The following KLHDC4 variants were observed in gnomAD, a reference collection of about 807,000 sequenced individuals.
KLHDC4 encodes the protein kelch domain-containing protein 4.
A neutral mutation model predicts 62.4 loss-of-function variants in KLHDC4; 90 were observed. That is an observed-to-expected ratio of 1.44 (90% CI 1.22 to 1.72). The LOEUF (loss-of-function observed/expected upper bound fraction) is 1.72. Among genes scored for constraint, KLHDC4 ranks in the 40% most tolerant of loss-of-function variants. The pLI is 0.00. For missense variants in KLHDC4, 1,025 were observed against 699.7 expected, an observed-to-expected ratio of 1.47 and a Z score of -5.25; for synonymous variants, 386 against 284.4, an observed-to-expected ratio of 1.36 and a Z score of -3.59.
chr16:87,722,712 A>C (rs1272771832), intron 7 of KLHDC4, among the ~76,000 whole-genome samples: 1 of 152,198 alleles, frequency 6.6e-6, no homozygotes, highest in African/African-American at 2.4e-5. Flanking sequence ...TGAGACGAGG[A>C]CCATGGGGGT....
intron 5 of KLHDC4, among the ~76,000 whole-genome samples, chr16:87,731,922 G>T (rs1567733367): frequency 6.6e-6 from 1 of 152,176 alleles, no homozygotes; most frequent in Non-Finnish European, 1.5e-5. Flanking sequence ...ACATCTCGCT[G>T]AAGGAAGGCA....
chr16:87,746,538 C>G (rs184013000), intron 5 of KLHDC4, among the ~76,000 whole-genome samples: 2 of 152,324 alleles, frequency 1.3e-5, no homozygotes, highest in African/African-American at 4.8e-5. Context: ...CGGAACCACA[C>G]CCTGGCTGCC....
At chr16:87,712,484 T>G in intron 8 of KLHDC4, among the ~76,000 whole-genome samples, 1 of 152,176 alleles carries the variant, frequency 6.6e-6, no homozygotes, top group Non-Finnish European at 1.5e-5. Context: ...ACACAAGGTG[T>G]GTCGCTCCTC....
At position 87,755,218 on chromosome 16, in the gene KLHDC4, TG is replaced by T. The variant is rs553191772; in HGVS notation, c.344del (p.Pro115HisfsTer12). ...DTWTKVDIPS[P>X]PPRRCAHQAV... ...CCTGGTGAGCACAGCGCCTCGGAGG[TG>T]GACTGGGGATGTCAACTTTGGTCCA... On this transcript the variant is annotated frameshift_variant, in exon 4 of 12. Coordinates refer to ENST00000270583, the MANE Select transcript of KLHDC4 (RefSeq NM_017566.4). LOFTEE classifies it high-confidence loss of function. 8.3e-5 allele frequency: 133 copies of T among 1,610,910 alleles called. No individual in the cohort carries two copies. Among genetic ancestry groups the T allele is most frequent in the Non-Finnish European group, 1.1e-4 (124 of 1,177,394 alleles).
At chr16:87,762,858 G>T (rs34018510) in intron 1 of KLHDC4, among the ~76,000 whole-genome samples, 104,233 of 151,934 alleles carry the variant, frequency 0.69, 37,522 homozygotes, top group African/African-American at 0.9. Flanking sequence ...TCAGTGTCCT[G>T]CTTGCAACTA....
chr16:87,714,443 C>T, intron 8 of KLHDC4, 55 bp downstream of exon 8: 3 of 1,501,976 alleles, frequency 2.0e-6, no homozygotes, highest in South Asian at 2.2e-5. Flanking sequence ...GTGGGCTCTG[C>T]CTCCCGCCAC....
intron 3 of KLHDC4, 139 bp from the exon 4 acceptor site, chr16:87,755,431 G>C: frequency 1.8e-6 from 1 of 547,552 alleles, no homozygotes; most frequent in Non-Finnish European, 3.3e-6. Context: ...GGGAGGCCAT[G>C]GGCTGGGTCC....
exon 1 of KLHDC4, chr16:87,700,637 A>G: frequency 4.9e-6 from 1 of 202,774 alleles, no homozygotes; most frequent in South Asian, 5.1e-5. Context: ...AGGAGGGAGA[A>G]CGCTGGAGGG....
chr16:87,711,562 CTG>C, intron 8 of KLHDC4, 119 bp from the exon 9 acceptor site: 1 of 804,822 alleles, frequency 1.2e-6, no homozygotes, highest in East Asian at 2.7e-5. Context: ...AACCGTGAGA[CTG>C]TGGGCAAAAA....
chr16:87,736,481 G>A (rs779203019), intron 5 of KLHDC4, among the ~76,000 whole-genome samples: 1 of 152,182 alleles, frequency 6.6e-6, no homozygotes, highest in Admixed American at 6.5e-5. Context: ...GAGAGCCCCT[G>A]TCTTTCAAAA....
chr16:87,729,953 TTTTA>T (rs985265128), intron 6 of KLHDC4, among the ~76,000 whole-genome samples: 2 of 152,118 alleles, frequency 1.3e-5, no homozygotes, highest in Non-Finnish European at 2.9e-5. Context: ...CATTTTATTT[TTTTA>T]TTTATTTATT....
At chr16:87,761,819 C>G in intron 2 of KLHDC4, 130 bp downstream of exon 2, 4 of 906,886 alleles carry the variant, frequency 4.4e-6, no homozygotes, top group South Asian at 2.8e-5. Context: ...AGAAAGTGAC[C>G]AAGAACAGGT....
At chr16:87,727,367 G>A (rs911535653) in intron 6 of KLHDC4, among the ~76,000 whole-genome samples, 5 of 152,220 alleles carry the variant, frequency 3.3e-5, no homozygotes, top group African/African-American at 7.2e-5. Flanking sequence ...GTGTGCAACC[G>A]TAAGGGCAGC....
At chr16:87,732,093 A>G in intron 5 of KLHDC4, among the ~76,000 whole-genome samples, 1 of 98,810 alleles carries the variant, frequency 1.0e-5, no homozygotes, top group East Asian at 3.3e-4. Flanking sequence ...AAGTGTGCAT[A>G]TTTCTTTTTT....
intron 9 of KLHDC4, 172 bp downstream of exon 9, chr16:87,711,063 C>G: frequency 1.6e-6 from 1 of 627,514 alleles, no homozygotes; most frequent in South Asian, 2.0e-5. Context: ...TGACCAAGGG[C>G]TCTCCAAGCC....
chr16:87,756,392 A>C lies in KLHDC4; in HGVS notation c.270+7T>G, dbSNP rs752676158. The C allele has an allele frequency of 6.3e-7, 1 of 1,596,414 alleles. No homozygotes were observed. The highest frequency in any genetic ancestry group is 2.2e-5 in the East Asian group (1 of 44,792). On this transcript the variant is annotated splice_region_variant and intron_variant, in intron 3 of 11. Transcript: ENST00000270583. ...ATGGGAAGAAAAGAAAAAAATATAT[A>C]CTTTACTTTTTGGCCGTTGAAATAT...
Position 87,748,621 on chromosome 16 carries a change from A to T in KLHDC4, c.506+52T>A, listed in dbSNP as rs992079434. On this transcript the variant is annotated intron_variant, in intron 5 of 11. Transcript: ENST00000270583. Reference sequence around the variant, plus strand: ...TGCTCCGAGCACTCGGGCTCAGCACACAAGCACAGAAGAGCCATGCCCGGA... The same window carrying T: ...TGCTCCGAGCACTCGGGCTCAGCACTCAAGCACAGAAGAGCCATGCCCGGA... 3.1e-6 allele frequency: 5 copies of T among 1,609,698 alleles called. No individual in the cohort carries two copies. The African/African-American group carries it at 6.7e-5, about 22-fold the overall frequency.
chr16:87,709,182 T>C (rs2035270605), intron 10 of KLHDC4, 83 bp downstream of exon 10: 1 of 1,517,854 alleles, frequency 6.6e-7, no homozygotes, highest in Non-Finnish European at 8.9e-7. Flanking sequence ...CTGGGCAGCT[T>C]GCAGGGCTTG....
exon 1 of KLHDC4, chr16:87,698,491 G>C (rs1383244111): frequency 6.6e-6 from 1 of 152,242 alleles, no homozygotes; most frequent in Non-Finnish European, 1.5e-5. Context: ...TTCACACCAT[G>C]AGACATGCAC....
Sources: gnomAD v4.1 joint callset for allele counts (sites outside exome capture counted in the v4.1 genomes callset) on GRCh38, gnomAD v4.1.1 for gene constraint, MANE v1.5 for transcripts, NCBI Gene and HGNC (gene_info 2026-07-23, HGNC 2026-07-21) for gene names.